Variants in HS3ST5 observed in about 807,000 individuals in gnomAD.
The protein encoded by HS3ST5 is heparan sulfate-glucosamine 3-sulfotransferase 5, also known as heparan sulfate glucosamine 3-O-sulfotransferase 5.
Under a neutral mutation model 25.4 loss-of-function variants are expected in HS3ST5, and 10 were observed. The observed-to-expected ratio is 0.39, with a 90% CI of 0.24 to 0.67. The LOEUF is 0.67. HS3ST5 is among the 30% of genes least tolerant of loss of function. The probability of loss-of-function intolerance (pLI) is 0.44; values close to 1 mark genes in which losing one functional copy is unlikely to be tolerated. For missense variants in HS3ST5, 324 were observed against 420.7 expected (o/e 0.77, Z 2.01); for synonymous variants, 170 against 162.4 (o/e 1.05, Z -0.36).
chr6:114,072,827 C>T (rs1003749105), intron 3 of HS3ST5, among the ~76,000 whole-genome samples: 6 of 152,156 alleles, frequency 3.9e-5, no homozygotes, highest in African/African-American at 1.2e-4. Flanking sequence ...AAAGAGCCCA[C>T]ATAGCCAAGA....
At chr6:114,267,228 TTAA>T (rs1773444234) in intron 1 of HS3ST5, among the ~76,000 whole-genome samples, 2 of 152,212 alleles carry the variant, frequency 1.3e-5, no homozygotes, top group Non-Finnish European at 2.9e-5. Flanking sequence ...TATTTTTGCA[TTAA>T]TAATCTAGCT....
intron 2 of HS3ST5, among the ~76,000 whole-genome samples, chr6:114,175,827 T>G (rs1247629439): frequency 6.6e-6 from 1 of 152,234 alleles, no homozygotes; most frequent in Non-Finnish European, 1.5e-5. Context: ...TGCTACTGGT[T>G]TTACAGATTA....
chr6:114,105,419 A>G (rs934747416), intron 3 of HS3ST5, among the ~76,000 whole-genome samples: 2 of 152,150 alleles, frequency 1.3e-5, no homozygotes, highest in African/African-American at 4.8e-5. Flanking sequence ...GCTGTTTTAT[A>G]TGATTGGCAG....
intron 3 of HS3ST5, among the ~76,000 whole-genome samples, chr6:114,137,474 CT>C (rs1194900322): frequency 1.3e-5 from 2 of 152,190 alleles, no homozygotes; most frequent in East Asian, 3.9e-4. Context: ...CTTGGTGTTG[CT>C]CCTGAAATAT....
At chr6:114,322,131 A>T (rs1454769597) in intron 1 of HS3ST5, among the ~76,000 whole-genome samples, 1 of 152,146 alleles carries the variant, frequency 6.6e-6, no homozygotes, top group Admixed American at 6.6e-5. Flanking sequence ...GCCTTTCAGA[A>T]TTTCTGTCAC....
intron 2 of HS3ST5, among the ~76,000 whole-genome samples, chr6:114,209,593 G>A (rs1046266542): frequency 6.6e-6 from 1 of 152,064 alleles, no homozygotes; most frequent in Non-Finnish European, 1.5e-5. Context: ...AAGCCATTAA[G>A]CAGAAGATGA....
intron 3 of HS3ST5, among the ~76,000 whole-genome samples, chr6:114,139,251 TG>T (rs1261536235): frequency 1.3e-5 from 2 of 152,194 alleles, no homozygotes; most frequent in Non-Finnish European, 2.9e-5. Flanking sequence ...TCAGGCCATC[TG>T]GGATGATTAA....
chr6:114,262,002 G>A (rs1773194905), intron 1 of HS3ST5, among the ~76,000 whole-genome samples: 1 of 152,122 alleles, frequency 6.6e-6, no homozygotes. Flanking sequence ...AGAAAATAAT[G>A]AGTATTGTTT....
At chr6:114,215,534 T>C (rs537914172) in intron 2 of HS3ST5, among the ~76,000 whole-genome samples, 6 of 152,186 alleles carry the variant, frequency 3.9e-5, no homozygotes, top group Non-Finnish European at 7.4e-5. Flanking sequence ...CTGCCCTTAT[T>C]GAGTCCCACC....
At chr6:114,058,218 C>A (rs1313652007) in intron 4 of HS3ST5, 28 bp from the exon 5 acceptor site, 1 of 1,519,466 alleles carries the variant, frequency 6.6e-7, no homozygotes. Context: ...ACACTTTAAG[C>A]TCATTGCAAC....
intron 3 of HS3ST5, among the ~76,000 whole-genome samples, chr6:114,070,597 T>G (rs2114730668): frequency 6.6e-6 from 1 of 152,356 alleles, no homozygotes; most frequent in South Asian, 2.1e-4. Context: ...ACTCAGATTC[T>G]TATGTGCTGG....
intron 2 of HS3ST5, among the ~76,000 whole-genome samples, chr6:114,226,259 A>C (rs1582735981): frequency 6.6e-6 from 1 of 152,098 alleles, no homozygotes; most frequent in Non-Finnish European, 1.5e-5. Flanking sequence ...TGAAATTATC[A>C]GTGTTTAATG....
chr6:114,170,272 T>C (rs1316514675), intron 2 of HS3ST5, among the ~76,000 whole-genome samples: 1 of 152,154 alleles, frequency 6.6e-6, no homozygotes, highest in Non-Finnish European at 1.5e-5. Context: ...TATGTACATA[T>C]GTATATTGTT....
intron 2 of HS3ST5, among the ~76,000 whole-genome samples, chr6:114,173,399 C>T (rs778133735): frequency 1.1e-4 from 16 of 152,086 alleles, no homozygotes; most frequent in Non-Finnish European, 1.9e-4. Context: ...TTTTTAAGCA[C>T]ATAATTCTGA....
At chr6:114,307,772 C>T (rs1011699979) in intron 1 of HS3ST5, among the ~76,000 whole-genome samples, 1 of 151,550 alleles carries the variant, frequency 6.6e-6, no homozygotes, top group Admixed American at 6.6e-5. Flanking sequence ...GGAATATGAC[C>T]GTTTTAATTA....
intron 1 of HS3ST5, among the ~76,000 whole-genome samples, chr6:114,271,641 T>A (rs1002477855): frequency 1.4e-4 from 22 of 152,108 alleles, no homozygotes; most frequent in African/African-American, 4.3e-4. Context: ...TCCTATTTTT[T>A]AAAAATTTTC....
intron 1 of HS3ST5, among the ~76,000 whole-genome samples, chr6:114,300,735 C>T (rs561338391): frequency 6.6e-6 from 1 of 152,172 alleles, no homozygotes; most frequent in East Asian, 1.9e-4. Context: ...CTCATGATAG[C>T]TAGAAAGTAG....
chr6:114,092,985 A>C (rs1396721530), intron 3 of HS3ST5, among the ~76,000 whole-genome samples: 1 of 152,148 alleles, frequency 6.6e-6, no homozygotes, highest in Non-Finnish European at 1.5e-5. Context: ...GATGTCAGGC[A>C]TTTCATATAG....
intron 2 of HS3ST5, among the ~76,000 whole-genome samples, chr6:114,196,058 C>T (rs1582703574): frequency 6.6e-6 from 1 of 152,130 alleles, no homozygotes. Context: ...AAAGCCTTTG[C>T]GTTCAACTGT....
Sources: gnomAD v4.1 joint callset for allele counts (sites outside exome capture counted in the v4.1 genomes callset) on GRCh38, gnomAD v4.1.1 for gene constraint, MANE v1.5 for transcripts, NCBI Gene and HGNC (gene_info 2026-07-23, HGNC 2026-07-21) for gene names.